The following MSH3 variants were observed in gnomAD, a reference collection of about 807,000 sequenced individuals.
MSH3 encodes mutS homolog 3, also known as DNA mismatch repair protein Msh3.
Under a neutral mutation model 123.3 loss-of-function variants are expected in MSH3, and 106 were observed. That is an observed-to-expected ratio of 0.86 (90% confidence interval 0.73 to 1.01). The LOEUF (loss-of-function observed/expected upper bound fraction) is 1.01. Ranked by LOEUF, MSH3 falls within the 50% of genes least tolerant of loss-of-function variation. MSH3 has a pLI of 0.00. For synonymous variants in MSH3, 515 were observed against 481.4 expected, an observed-to-expected ratio of 1.07 and a Z score of -0.91; for missense variants, 1,459 against 1,347.6, an observed-to-expected ratio of 1.08 and a Z score of -1.29.
chr5:80,729,817 C>T (rs532100699), intron 10 of MSH3, among the ~76,000 whole-genome samples: 210 of 152,138 alleles, frequency 1.4e-3, no homozygotes, highest in African/African-American at 4.7e-3. Flanking sequence ...TTTTATATTC[C>T]GCCTTCACCA....
chr5:80,714,590 C>T (rs1300021022), intron 8 of MSH3, among the ~76,000 whole-genome samples: 2 of 152,100 alleles, frequency 1.3e-5, no homozygotes, highest in Admixed American at 6.6e-5. Flanking sequence ...GATTGCAGAA[C>T]GATGAATTTA....
intron 20 of MSH3, among the ~76,000 whole-genome samples, chr5:80,815,780 G>C (rs891988005): frequency 6.6e-6 from 1 of 152,146 alleles, no homozygotes; most frequent in African/African-American, 2.4e-5. Flanking sequence ...TAGTTGCAAG[G>C]AAAACAGAAA....
At chr5:80,732,855 A>G (rs1743435997) in intron 10 of MSH3, among the ~76,000 whole-genome samples, 1 of 152,216 alleles carries the variant, frequency 6.6e-6, no homozygotes, top group Non-Finnish European at 1.5e-5. Flanking sequence ...TCAAAAAACT[A>G]CAACTAACGT....
intron 22 of MSH3, among the ~76,000 whole-genome samples, chr5:80,865,856 G>A (rs1253752641): frequency 6.6e-6 from 1 of 152,172 alleles, no homozygotes; most frequent in Non-Finnish European, 1.5e-5. Flanking sequence ...AAAGCACTGG[G>A]CCTAAGATAA....
At chr5:80,775,884 A>C in intron 16 of MSH3, 126 bp downstream of exon 16, 1 of 640,188 alleles carries the variant, frequency 1.6e-6, no homozygotes. Context: ...ATTTTTTCTG[A>C]TGGAACTTTT....
At chr5:80,699,458 T>G (rs1750556271) in intron 8 of MSH3, among the ~76,000 whole-genome samples, 1 of 148,132 alleles carries the variant, frequency 6.8e-6, no homozygotes, top group Non-Finnish European at 1.5e-5. Context: ...CTTGGGAGGC[T>G]GAGGCAGGAG....
At chr5:80,839,616 CAG>C (rs1367563417) in intron 20 of MSH3, among the ~76,000 whole-genome samples, 1 of 152,104 alleles carries the variant, frequency 6.6e-6, no homozygotes, top group Non-Finnish European at 1.5e-5. Flanking sequence ...ATCTTTGTGT[CAG>C]ATGTTTGCTA....
rs756734491 is a variant in MSH3, at chr5:80,768,939, T to C, written c.2189T>C (p.Leu730Ser). 1 of 1,613,088 alleles carries C rather than the reference T, an allele frequency of 6.2e-7. No homozygotes were observed. The highest frequency in any genetic ancestry group is 1.3e-5 in the African/African-American group (1 of 75,038). The change falls in exon 15 of 24, where the codon TTG (leucine) becomes TCG (serine). Residue 730 changes from leucine to serine, a missense_variant. Coordinates refer to ENST00000265081, the MANE Select transcript of MSH3 (RefSeq NM_002439.5). ...QGVIDEIRMH[L>S]QEIRKILKNP... ...GTTATTGACGAGATCCGAATGCATT[T>C]GCAAGAAATACGAAAAATACTAAAA... is the stretch of plus-strand genomic sequence containing the variant.
chr5:80,692,676 TTA>T (rs887256724), intron 8 of MSH3, among the ~76,000 whole-genome samples: 19 of 141,222 alleles, frequency 1.3e-4, no homozygotes, highest in African/African-American at 2.8e-4. Flanking sequence ...ATGTATATGT[TTA>T]TGTTTATATA....
intron 19 of MSH3, among the ~76,000 whole-genome samples, chr5:80,811,891 T>A (rs1745015723): frequency 6.6e-6 from 1 of 152,200 alleles, no homozygotes; most frequent in Non-Finnish European, 1.5e-5. Flanking sequence ...TCTGTAGAAT[T>A]CATTTTATTT....
chr5:80,792,537 C>T (rs41563616), intron 18 of MSH3, among the ~76,000 whole-genome samples, 196 bp from the exon 19 acceptor site: 4 of 151,990 alleles, frequency 2.6e-5, no homozygotes, highest in Non-Finnish European at 5.9e-5. Flanking sequence ...AAATGTTTTC[C>T]CAATTTTGAT....
chr5:80,691,826 TATAG>T (rs947864063), intron 8 of MSH3, among the ~76,000 whole-genome samples: 1 of 147,962 alleles, frequency 6.8e-6, no homozygotes, highest in Non-Finnish European at 1.5e-5. Context: ...TGTATGTTTA[TATAG>T]ATAAATAAAC....
intron 19 of MSH3, among the ~76,000 whole-genome samples, chr5:80,800,930 C>G (rs1744779548): frequency 6.6e-6 from 1 of 152,118 alleles, no homozygotes; most frequent in South Asian, 2.1e-4. Flanking sequence ...AGCAGAGGGG[C>G]TTCTGTAGAT....
chr5:80,832,384 C>G (rs1392652454), intron 20 of MSH3, among the ~76,000 whole-genome samples: 2 of 152,088 alleles, frequency 1.3e-5, no homozygotes, highest in Non-Finnish European at 2.9e-5. Flanking sequence ...CTTTAGGAGG[C>G]TGAGGTGGGC....
In MSH3 at chr5:80,665,273, G is replaced by A. The variant is rs2112808863; in HGVS notation, c.489G>A (p.Leu163=). The A allele has an allele frequency of 6.2e-7, 1 of 1,613,948 alleles. No homozygotes were observed. The change falls in exon 3 of 24, where the codon CTG becomes CTA. Residue 163 remains leucine (L), a synonymous_variant. Coordinates refer to ENST00000265081, the MANE Select transcript of MSH3 (RefSeq NM_002439.5). ...CTCTGCAGGAGAGATTTGCAGTTCTGCCAAAATGTACTGATTTTGATGATA... is the reference window on the plus strand; with the variant it reads ...CTCTGCAGGAGAGATTTGCAGTTCTACCAAAATGTACTGATTTTGATGATA... The part of the protein sequence containing the change: ...TESLQERFAV[L]PKCTDFDDIS...
intron 4 of MSH3, among the ~76,000 whole-genome samples, chr5:80,671,103 G>A (rs1234724887): frequency 6.9e-6 from 1 of 145,494 alleles, no homozygotes; most frequent in Non-Finnish European, 1.5e-5. Context: ...AGCCTGGGCG[G>A]CACAGCAAGA....
At position 80,875,989 on chromosome 5, in the gene MSH3, A is replaced by G. The variant is rs996486774; in HGVS notation, c.*127A>G. 28 of 677,554 alleles carry G rather than the reference A, an allele frequency of 4.1e-5. No individual in the cohort carries two copies. The highest frequency in any genetic ancestry group is 2.1e-4 in the South Asian group (12 of 57,656). 42.0% of individuals were successfully genotyped at this position (677,554 alleles called of 1,614,324 possible). A position where few individuals can be genotyped will look rare whatever the true frequency, so the allele number is the denominator to read the frequency against. On this transcript the variant is annotated 3_prime_UTR_variant, in exon 24 of 24. Coordinates refer to ENST00000265081, the MANE Select transcript of MSH3 (RefSeq NM_002439.5). ...AAAATTATGACCATGGTATATTCCTATTGGAAACAGAGAGGTTTTTCTGAA... is the reference window on the plus strand; with the variant it reads ...AAAATTATGACCATGGTATATTCCTGTTGGAAACAGAGAGGTTTTTCTGAA...
At chr5:80,746,772 A>C in intron 12 of MSH3, 1 of 400,084 alleles carries the variant, frequency 2.5e-6, no homozygotes, top group East Asian at 6.7e-5. Flanking sequence ...GGCAATTTCC[A>C]CATCAAATAT....
chr5:80,809,382 AATT>A (rs3073786), intron 19 of MSH3, among the ~76,000 whole-genome samples: 105,916 of 151,668 alleles, frequency 0.7, 37,022 homozygotes, highest in South Asian at 0.79. Flanking sequence ...TACACTGTCA[AATT>A]ATTGATTCTT....
Sources: gnomAD v4.1 joint callset for allele counts (sites outside exome capture counted in the v4.1 genomes callset) on GRCh38, gnomAD v4.1.1 for gene constraint, MANE v1.5 for transcripts, NCBI Gene and HGNC (gene_info 2026-07-23, HGNC 2026-07-21) for gene names.